AKAP9: variants seen among roughly 807,000 people sequenced by gnomAD.
The protein encoded by AKAP9 is A-kinase anchoring protein 9.
In AKAP9, 311 loss-of-function variants were observed where a neutral mutation model predicts 488.5. The observed-to-expected ratio is 0.64, with a 90% CI of 0.58 to 0.70. The LOEUF is 0.70. Ranked by LOEUF, AKAP9 falls within the 30% of genes least tolerant of loss-of-function variation. The probability of loss-of-function intolerance (pLI) is 0.00; values close to 1 mark genes in which losing one functional copy is unlikely to be tolerated. For synonymous variants in AKAP9, 1,462 were observed against 1,483.5 expected (o/e 0.99, Z 0.33); for missense variants, 4,215 against 4,374.5 (o/e 0.96, Z 1.03).
intron 5 of AKAP9, 86 bp from the exon 6 acceptor site, chr7:91,994,535 G>A (rs1049387440): frequency 3.7e-6 from 4 of 1,074,890 alleles, no homozygotes; most frequent in African/African-American, 1.6e-5. Context: ...TTATGCCAAT[G>A]TGTTTTGAAT....
chr7:91,998,533 T>C (rs1226957186), intron 7 of AKAP9, among the ~76,000 whole-genome samples: 1 of 149,852 alleles, frequency 6.7e-6, no homozygotes, highest in African/African-American at 2.5e-5. Context: ...AAATTTGTGT[T>C]GTTTAACGGT....
At chr7:92,004,330 A>ATTCTGTGAAGAAAGTCAT (rs375054636) in intron 8 of AKAP9, among the ~76,000 whole-genome samples, 5 of 152,128 alleles carry the variant, frequency 3.3e-5, no homozygotes, top group African/African-American at 9.7e-5. Flanking sequence ...GTTTTTTCCA[A>ATTCTGTGAAGAAAGTCAT]TTCTGTGAAG....
At chr7:92,035,076 C>T (rs957277641) in intron 16 of AKAP9, among the ~76,000 whole-genome samples, 7 of 152,124 alleles carry the variant, frequency 4.6e-5, no homozygotes, top group South Asian at 2.1e-4. Context: ...ATGCTATACT[C>T]GAAAGCATAG....
rs192353673 is a variant in AKAP9, at chr7:92,030,356, T to G, written c.4245+365T>G. Among the ~76,000 whole-genome samples the G allele has an allele frequency of 7.6e-4, 115 of 152,160 alleles. 1 individual carries two copies. Among genetic ancestry groups the G allele is most frequent in the African/African-American group, 2.6e-3 (109 of 41,526 alleles). ...GACAAGGCCATCTCTAGAAAAGTGT[T>G]TAGGGGCCAGGTGTGATGGCTCATG... On this transcript the variant is annotated intron_variant, in intron 15 of 49. Transcript: ENST00000356239.
chr7:91,966,820 G>A (rs1794489821), intron 1 of AKAP9, among the ~76,000 whole-genome samples: 1 of 152,054 alleles, frequency 6.6e-6, no homozygotes, highest in South Asian at 2.1e-4. Flanking sequence ...ATCTTTTGTG[G>A]TTCTATCAAA....
intron 16 of AKAP9, among the ~76,000 whole-genome samples, chr7:92,033,770 TAGA>T (rs1479234385): frequency 6.6e-6 from 1 of 152,216 alleles, no homozygotes; most frequent in East Asian, 1.9e-4. Context: ...CAAGGCTATA[TAGA>T]AGAAGCCCAA....
chr7:92,051,211 G>A (rs1807923000), intron 21 of AKAP9, among the ~76,000 whole-genome samples: 2 of 152,008 alleles, frequency 1.3e-5, no homozygotes, highest in African/African-American at 4.8e-5. Flanking sequence ...ATGTCCCTTT[G>A]CCCTAAAAAG....
Position 92,077,092 on chromosome 7 carries a change from C to CTTTTTTTTTTTTTTTTTTTTTTTT in AKAP9, c.6765+88_6765+89insTTTTTTTTTTTTTTTTTTTTTTTT, listed in dbSNP as rs201649179. The CTTTTTTTTTTTTTTTTTTTTTTTT allele has an allele frequency of 1.0e-5, 3 of 296,970 alleles. 1 individual carries two copies. Among genetic ancestry groups the CTTTTTTTTTTTTTTTTTTTTTTTT allele is most frequent in the African/African-American group, 3.1e-5 (1 of 32,574 alleles). The allele number at this position is 296,970 out of a possible 1,614,324, so 18.4% of individuals were successfully genotyped here. On this transcript the variant is annotated intron_variant, in intron 29 of 49. Coordinates refer to ENST00000356239, the MANE Select transcript of AKAP9 (RefSeq NM_005751.5). The stretch of plus-strand genomic sequence containing the variant: ...TTTATTATTATTATTATTATTATTT[C>CTTTTTTTTTTTTTTTTTTTTTTTT]TTTCTTTTTTTTTTTTTTTTTGAGA...
At chr7:92,093,667 A>G (rs1260197021) in intron 39 of AKAP9, among the ~76,000 whole-genome samples, 1 of 152,154 alleles carries the variant, frequency 6.6e-6, no homozygotes, top group Non-Finnish European at 1.5e-5. Context: ...TGAAGAGACA[A>G]TGCTTGTTAA....
At chr7:91,967,651 C>T (rs180796662) in intron 1 of AKAP9, among the ~76,000 whole-genome samples, 65 of 152,182 alleles carry the variant, frequency 4.3e-4, no homozygotes, top group Admixed American at 1.6e-3. Context: ...GGATGAATCC[C>T]GCTTGATCAT....
At chr7:92,084,155 C>T (rs1263323717) in intron 33 of AKAP9, among the ~76,000 whole-genome samples, 3 of 152,282 alleles carry the variant, frequency 2.0e-5, no homozygotes, top group Admixed American at 6.5e-5. Context: ...ATGACATGAA[C>T]GCATCCTTTT....
intron 14 of AKAP9, among the ~76,000 whole-genome samples, chr7:92,023,710 T>C (rs1802656183): frequency 6.6e-6 from 1 of 152,206 alleles, no homozygotes; most frequent in African/African-American, 2.4e-5. Flanking sequence ...ATTGTATCAT[T>C]CCAAAGCTCT....
chr7:91,963,158 A>G lies in AKAP9; in HGVS notation c.49-10553A>G, dbSNP rs78631553. On this transcript the variant is annotated intron_variant, in intron 1 of 49. Transcript: ENST00000356239. ...CAGATAATATATTTAGCAGTATTCC[A>G]GTTGGTTTATTTTTAAGAATGAATT... Among the ~76,000 whole-genome samples, 1,414 of 152,168 alleles carry G rather than the reference A, an allele frequency of 9.3e-3. 60 individuals are homozygous for G. Among genetic ancestry groups the G allele is most frequent in the East Asian group, 0.085 (437 of 5,166 alleles).
At chr7:91,949,700 G>A (rs1791951484) in intron 1 of AKAP9, among the ~76,000 whole-genome samples, 3 of 152,124 alleles carry the variant, frequency 2.0e-5, no homozygotes, top group African/African-American at 4.8e-5. Context: ...TTTTGCATGG[G>A]TTTAACAGTA....
chr7:92,096,334 G>GTT (rs769758632), intron 40 of AKAP9, among the ~76,000 whole-genome samples: 4,088 of 123,854 alleles, frequency 0.033, 214 homozygotes, highest in African/African-American at 0.11. Context: ...AGTTTTTTTT[G>GTT]TTTTTTTTTT....
At chr7:92,039,729 C>T (rs1041764080) in intron 17 of AKAP9, among the ~76,000 whole-genome samples, 3 of 152,132 alleles carry the variant, frequency 2.0e-5, no homozygotes, top group Admixed American at 6.5e-5. Flanking sequence ...AATCCCAGCA[C>T]TTTGGGAGGC....
intron 1 of AKAP9, among the ~76,000 whole-genome samples, chr7:91,947,967 C>T (rs1175370875): frequency 6.6e-6 from 1 of 152,146 alleles, no homozygotes; most frequent in African/African-American, 2.4e-5. Flanking sequence ...TTGCTTCTTC[C>T]CTCTAGCCAC....
intron 9 of AKAP9, 92 bp downstream of exon 9, chr7:92,012,734 A>G (rs1195839214): frequency 9.5e-7 from 1 of 1,048,844 alleles, no homozygotes. Context: ...CATAGAACCC[A>G]CAGAGGAAGG....
intron 12 of AKAP9, among the ~76,000 whole-genome samples, chr7:92,021,503 AT>A (rs1223421705): frequency 1.3e-5 from 2 of 152,112 alleles, no homozygotes; most frequent in African/African-American, 4.8e-5. Context: ...CAATGGCTCA[AT>A]CTTGGCTCAC....
Sources: gnomAD v4.1 joint callset for allele counts (sites outside exome capture counted in the v4.1 genomes callset) on GRCh38, gnomAD v4.1.1 for gene constraint, MANE v1.5 for transcripts, NCBI Gene and HGNC (gene_info 2026-07-23, HGNC 2026-07-21) for gene names.